The following DYNC2I2 variants were observed in gnomAD, a reference collection of about 807,000 sequenced individuals.
DYNC2I2 encodes the protein dynein 2 intermediate chain 2.
Under a neutral mutation model 52.0 loss-of-function variants are expected in DYNC2I2, and 39 were observed. The ratio of observed to expected loss-of-function variants is 0.75; its 90% CI spans 0.58 to 0.98. DYNC2I2 has a LOEUF of 0.98. Among genes scored for constraint, DYNC2I2 ranks in the 50% least tolerant of loss-of-function variants. The pLI, the probability that DYNC2I2 is intolerant of heterozygous loss-of-function variation, is 0.00. For missense variants in DYNC2I2, 743 were observed against 728.4 expected (o/e 1.02, Z -0.23); for synonymous variants, 359 against 321.1 (o/e 1.12, Z -1.26).
At chr9:128,656,158 C>T (rs1261754856) in intron 1 of DYNC2I2, among the ~76,000 whole-genome samples, 2 of 148,464 alleles carry the variant, frequency 1.3e-5, no homozygotes, top group East Asian at 4.0e-4. Flanking sequence ...TGCAGTGAGC[C>T]GAGATCGCAC....
chr9:128,636,182 C>T, intron 4 of DYNC2I2, 99 bp downstream of exon 4: 1 of 1,521,788 alleles, frequency 6.6e-7, no homozygotes, highest in Non-Finnish European at 8.9e-7. Context: ...GCCTTCCTGT[C>T]TCCGGGCCAA....
In DYNC2I2 at chr9:128,656,520, G is replaced by A. The variant is rs1478075633; in HGVS notation, c.186+21C>T. 19 of 1,288,974 alleles carry A rather than the reference G, an allele frequency of 1.5e-5. No homozygotes were observed. In the Admixed American group the frequency reaches 7.8e-4, roughly 53 times the overall value. The allele number at this position is 1,288,974 out of a possible 1,614,324, so 79.8% of individuals were successfully genotyped here. A position where few individuals can be genotyped will look rare whatever the true frequency, so the allele number is the denominator to read the frequency against. Reference sequence around the variant, plus strand: ...CCCGCCTTCCCGCCCGCGTCGCTCCGCGCGGGGCCCGCGCCCTCACCGTCT... The same window carrying A: ...CCCGCCTTCCCGCCCGCGTCGCTCCACGCGGGGCCCGCGCCCTCACCGTCT... On this transcript the variant is annotated intron_variant, in intron 1 of 8. Coordinates refer to ENST00000372715, the MANE Select transcript of DYNC2I2 (RefSeq NM_052844.4).
chr9:128,634,723 G>A lies in DYNC2I2; in HGVS notation c.1180C>T (p.Pro394Ser), dbSNP rs529123166. The A allele has an allele frequency of 2.1e-5, 34 of 1,589,404 alleles. No homozygotes were observed. In the East Asian group the frequency reaches 3.2e-4, roughly 15 times the overall value. ...GGGGAACAGCTCACAGAGTAGATGG[G>A]ACCGCCGTGGGGGGAGAAGGTAAAC... ...AQFTFSPHGGPIYSVSCSPFH... is the reference protein window; with the variant it reads ...AQFTFSPHGGSIYSVSCSPFH... The change falls in exon 7 of 9, where the codon CCC (proline) becomes TCC (serine). Residue 394 changes from proline (P) to serine (S), a missense_variant. Pro to Ser is a moderately conservative substitution (Grantham distance 74). Transcript: ENST00000372715.
intron 1 of DYNC2I2, among the ~76,000 whole-genome samples, chr9:128,644,933 T>A (rs1435334272): frequency 6.6e-6 from 1 of 152,222 alleles, no homozygotes; most frequent in African/African-American, 2.4e-5. Flanking sequence ...AAATTGTGCC[T>A]ACATGAGATG....
chr9:128,655,511 CAA>C (rs34804977), intron 1 of DYNC2I2, among the ~76,000 whole-genome samples: 3,672 of 119,806 alleles, frequency 0.031, 153 homozygotes, highest in African/African-American at 0.1. Context: ...ACTCCGTCTC[CAA>C]AAAAAAAAAA....
At chr9:128,644,812 T>G (rs933807236) in intron 1 of DYNC2I2, among the ~76,000 whole-genome samples, 2 of 152,244 alleles carry the variant, frequency 1.3e-5, no homozygotes, top group Non-Finnish European at 2.9e-5. Context: ...CTCTGCCACA[T>G]TTTGGCAATT....
rs377327348 is a variant in DYNC2I2, at chr9:128,635,632, C to T, written c.813+26G>A. On this transcript the variant is annotated intron_variant, in intron 5 of 8. Coordinates refer to ENST00000372715, the MANE Select transcript of DYNC2I2 (RefSeq NM_052844.4). Reference sequence around the variant, plus strand: ...CTCCCCAGCTCTGCCTCAGGGCCCACCCCGCCCGGCAGCCCCTGCCCTGAC... The same window carrying T: ...CTCCCCAGCTCTGCCTCAGGGCCCATCCCGCCCGGCAGCCCCTGCCCTGAC... 5 of 1,571,932 alleles carry T rather than the reference C, an allele frequency of 3.2e-6. No homozygotes were observed. In the African/African-American group the frequency reaches 5.4e-5, roughly 17 times the overall value.
rs375985561 is a variant in DYNC2I2 at position 128,635,088 on chromosome 9, G to A, written c.981+4C>T. On this transcript the variant is annotated splice_donor_region_variant and intron_variant, in intron 6 of 8. Coordinates refer to ENST00000372715, the MANE Select transcript of DYNC2I2 (RefSeq NM_052844.4). ...GCCAGGGCAGTTTCCGGGTGCCCAC[G>A]TACCTTCTTGAGCTTGGTGCTCCGT... 113 of 1,607,546 alleles carry A rather than the reference G, an allele frequency of 7.0e-5. No individual in the cohort carries two copies. The highest frequency in any genetic ancestry group is 5.3e-4 in the Middle Eastern group (3 of 5,704).
In DYNC2I2 at chr9:128,653,481, G is replaced by A. The variant is rs532265467; in HGVS notation, c.186+3060C>T. 5.3e-4 allele frequency among the ~76,000 whole-genome samples: 80 copies of A among 149,670 alleles called. 3 individuals are homozygous for A. Among genetic ancestry groups the A allele is most frequent in the African/African-American group, 1.9e-3 (74 of 39,894 alleles). The stretch of plus-strand genomic sequence containing the variant: ...TGTAATCCCAGCACTTTGGGTGGCC[G>A]AGGCAGGCGGATCACGAGGTCAGGA... On this transcript the variant is annotated intron_variant, in intron 1 of 8. Transcript: ENST00000372715.
the DYNC2I2 span, among the ~76,000 whole-genome samples, chr9:128,680,631 C>T: frequency 1.3e-5 from 2 of 151,822 alleles, no homozygotes; most frequent in African/African-American, 4.8e-5. Flanking sequence ...CCTGCCTCGG[C>T]CTCCCAAAGT....
intron 2 of DYNC2I2, among the ~76,000 whole-genome samples, chr9:128,638,137 T>A (rs1860448578): frequency 6.7e-6 from 1 of 149,828 alleles, no homozygotes; most frequent in South Asian, 2.1e-4. Flanking sequence ...CTCAGGAAGT[T>A]GAGGTGGGAG....
chr9:128,665,163 C>T, the DYNC2I2 span, among the ~76,000 whole-genome samples: 6 of 151,662 alleles, frequency 4.0e-5, no homozygotes, highest in South Asian at 2.1e-4. Context: ...AACAATTCTC[C>T]GGCCTCAGCC....
rs759672549 is a variant in DYNC2I2, at chr9:128,640,807, T to G, written c.319A>C (p.Arg107=). 6.2e-7 allele frequency: 1 copy of G among 1,614,144 alleles called. No homozygotes were observed. Among genetic ancestry groups the G allele is most frequent in the South Asian group, 1.1e-5 (1 of 91,082 alleles). Residue 107 remains arginine, a synonymous_variant, in exon 2 of 9, where the codon AGG becomes CGG. Transcript: ENST00000372715. ...VQPPSQYDIP[R]LAAFLRRVEA... is the part of the protein sequence containing the mutation. ...ACTCTCCGAAGAAAGGCTGCGAGCC[T>G]GGGTATGTCATACTGGGACGGGGGC...
chr9:128,677,560 G>A, the DYNC2I2 span, among the ~76,000 whole-genome samples: 120 of 151,964 alleles, frequency 7.9e-4, no homozygotes, highest in East Asian at 0.021. Context: ...ACTTTGCGTC[G>A]GCTGAGGTGG....
At chr9:128,654,321 C>T (rs12378231) in intron 1 of DYNC2I2, among the ~76,000 whole-genome samples, 1 of 152,150 alleles carries the variant, frequency 6.6e-6, no homozygotes, top group South Asian at 2.1e-4. Context: ...TCTGCAGGTT[C>T]ATGCAGCAAG....
intron 1 of DYNC2I2, among the ~76,000 whole-genome samples, chr9:128,649,842 A>C (rs1257140737): frequency 1.1e-3 from 40 of 36,272 alleles, no homozygotes; most frequent in Admixed American, 2.6e-3. Flanking sequence ...AAAATACAAA[A>C]ATTAGCTGGG....
the DYNC2I2 span, among the ~76,000 whole-genome samples, chr9:128,679,495 G>T: frequency 2.6e-5 from 4 of 152,148 alleles, no homozygotes; most frequent in Admixed American, 2.6e-4. Flanking sequence ...GCAGGGTCTT[G>T]CTCTGTTGAC....
At chr9:128,661,528 G>C (rs373941395), upstream of DYNC2I2, among the ~76,000 whole-genome samples, 1 of 152,052 alleles carries the variant, frequency 6.6e-6, no homozygotes, top group Non-Finnish European at 1.5e-5. Context: ...TGAGGCAGGA[G>C]AATCGCTTGA....
chr9:128,640,438 G>T (rs1860491231), intron 2 of DYNC2I2, among the ~76,000 whole-genome samples: 1 of 152,198 alleles, frequency 6.6e-6, no homozygotes, highest in African/African-American at 2.4e-5. Context: ...TTTCACTCTG[G>T]ACGTTACTTC....
Sources: allele counts gnomAD v4.1 joint callset (sites outside exome capture counted in the v4.1 genomes callset), GRCh38; gene constraint gnomAD v4.1.1; transcripts MANE v1.5; gene names NCBI Gene and HGNC (gene_info 2026-07-23, HGNC 2026-07-21).